Variants in ATP10A observed in about 807,000 individuals in gnomAD.
ATP10A encodes phospholipid-transporting ATPase VA.
In ATP10A, 111 loss-of-function variants were observed where a neutral mutation model predicts 147.8. That is an observed-to-expected ratio of 0.75 (90% confidence interval 0.64 to 0.88). The LOEUF (loss-of-function observed/expected upper bound fraction) is 0.88, where lower values mean the gene tolerates loss of function less well. Among genes scored for constraint, ATP10A ranks in the 40% least tolerant of loss-of-function variants. The probability of loss-of-function intolerance (pLI) is 0.00; values close to 1 mark genes in which losing one functional copy is unlikely to be tolerated. For synonymous variants in ATP10A, 875 were observed against 841.6 expected, an observed-to-expected ratio of 1.04 and a Z score of -0.69; for missense variants, 1,927 against 1,959.0, an observed-to-expected ratio of 0.98 and a Z score of 0.31.
intron 9 of ATP10A, among the ~76,000 whole-genome samples, chr15:25,715,903 G>C (rs1198333354): frequency 6.6e-6 from 1 of 152,144 alleles, no homozygotes; most frequent in African/African-American, 2.4e-5. Context: ...AAAACTGCCT[G>C]GTTCCATATG....
chr15:25,860,063 GCA>G (rs1597012299), intron 1 of ATP10A, among the ~76,000 whole-genome samples: 2 of 152,276 alleles, frequency 1.3e-5, no homozygotes, highest in East Asian at 3.9e-4. Flanking sequence ...CAAACGCACT[GCA>G]CAGACCTTGG....
At chr15:25,760,029 C>T (rs1236649443) in intron 2 of ATP10A, among the ~76,000 whole-genome samples, 5 of 151,506 alleles carry the variant, frequency 3.3e-5, no homozygotes, top group African/African-American at 7.3e-5. Flanking sequence ...TGCAGTGGCG[C>T]GATCTCGGCT....
chr15:25,772,415 T>C (rs376748422), intron 2 of ATP10A, among the ~76,000 whole-genome samples: 92 of 151,948 alleles, frequency 6.1e-4, no homozygotes, highest in African/African-American at 2.0e-3. Flanking sequence ...ACACTCAAAA[T>C]CCCCGAGAGG....
At chr15:25,812,602 A>G (rs1321794025) in intron 1 of ATP10A, among the ~76,000 whole-genome samples, 1 of 152,192 alleles carries the variant, frequency 6.6e-6, no homozygotes, top group Non-Finnish European at 1.5e-5. Context: ...AACACAAAGG[A>G]AAAAATACTC....
At chr15:25,741,241 G>A (rs1596797287) in intron 2 of ATP10A, among the ~76,000 whole-genome samples, 1 of 152,198 alleles carries the variant, frequency 6.6e-6, no homozygotes, top group Admixed American at 6.5e-5. Flanking sequence ...CACATGGTCA[G>A]AGGGTGACGA....
At chr15:25,702,224 G>A (rs1033998173) in intron 12 of ATP10A, 124 bp from the exon 13 acceptor site, 14 of 995,470 alleles carry the variant, frequency 1.4e-5, no homozygotes, top group Non-Finnish European at 1.7e-5. Flanking sequence ...TGTTGCCTGG[G>A]CCTTGCCAGG....
chr15:25,681,744 TC>T (rs1467086039), intron 17 of ATP10A, among the ~76,000 whole-genome samples: 6 of 152,198 alleles, frequency 3.9e-5, no homozygotes, highest in African/African-American at 1.4e-4. Context: ...CTTCAGTAGC[TC>T]CAGGTTCACA....
intron 2 of ATP10A, among the ~76,000 whole-genome samples, chr15:25,754,484 C>G (rs896779990): frequency 3.3e-5 from 5 of 152,056 alleles, no homozygotes; most frequent in Non-Finnish European, 5.9e-5. Flanking sequence ...TGCAGGAGGG[C>G]GTGAACTCCA....
Position 25,780,557 on chromosome 15 carries a change from G to A in ATP10A, c.654+462C>T, listed in dbSNP as rs112383567. Among the ~76,000 whole-genome samples the A allele has an allele frequency of 4.2e-3, 646 of 152,238 alleles. 6 individuals are homozygous for A. Among genetic ancestry groups the A allele is most frequent in the African/African-American group, 0.015 (609 of 41,540 alleles). ...CCTCTCACCCCTCACCCTGCTGCACGGTGGCCAGGGCACACCAGAGGCAGG... is the reference window on the plus strand; with the variant it reads ...CCTCTCACCCCTCACCCTGCTGCACAGTGGCCAGGGCACACCAGAGGCAGG... On this transcript the variant is annotated intron_variant, in intron 2 of 20. Transcript: ENST00000555815.
intron 2 of ATP10A, among the ~76,000 whole-genome samples, chr15:25,776,779 G>A (rs76639390): frequency 6.6e-5 from 10 of 152,276 alleles, no homozygotes; most frequent in East Asian, 1.9e-4. Context: ...TCAACACTGC[G>A]CACTTTTTCA....
intron 2 of ATP10A, among the ~76,000 whole-genome samples, chr15:25,762,408 G>T (rs1213927612): frequency 6.6e-6 from 1 of 151,854 alleles, no homozygotes; most frequent in Non-Finnish European, 1.5e-5. Flanking sequence ...TCCCGAGTAG[G>T]TGGGACTACA....
intron 2 of ATP10A, among the ~76,000 whole-genome samples, chr15:25,762,858 G>C (rs1888829769): frequency 6.6e-6 from 1 of 152,188 alleles, no homozygotes; most frequent in Non-Finnish European, 1.5e-5. Context: ...GGGATTACAG[G>C]CATGAGCCTG....
rs1181661199 is a variant in ATP10A, at chr15:25,683,307, G to C, written c.3471C>G (p.Tyr1157Ter). 26 of 1,614,052 alleles carry C rather than the reference G, an allele frequency of 1.6e-5. No homozygotes were observed. Among genetic ancestry groups the C allele is most frequent in the Non-Finnish European group, 2.0e-5 (24 of 1,180,016 alleles). ...TTACCTCCATGTTCTGGCCACTCTTGTAGAGCTGCGGGTTGGTCAGCAGCA... is the reference window on the plus strand; with the variant it reads ...TTACCTCCATGTTCTGGCCACTCTTCTAGAGCTGCGGGTTGGTCAGCAGCA... ...ANVLLTNPQL[Y>*]KSGQNMEEYR... The change falls in exon 17 of 21, where the codon TAC becomes TAG. Residue 1157 changes from tyrosine (Y) to a stop codon, truncating the protein, a stop_gained. Coordinates refer to ENST00000555815, the MANE Select transcript of ATP10A (RefSeq NM_024490.4). LOFTEE classifies it high-confidence loss of function.
At chr15:25,787,103 G>A (rs776923824) in intron 1 of ATP10A, among the ~76,000 whole-genome samples, 2 of 152,038 alleles carry the variant, frequency 1.3e-5, no homozygotes, top group Non-Finnish European at 2.9e-5. Context: ...AACGCGCAGA[G>A]ACTGACCTCC....
At chr15:25,782,162 A>G (rs1162336646) in intron 1 of ATP10A, among the ~76,000 whole-genome samples, 1 of 152,216 alleles carries the variant, frequency 6.6e-6, no homozygotes, top group Non-Finnish European at 1.5e-5. Context: ...AGCCATTCAC[A>G]AAAGGACAAC....
At chr15:25,691,616 C>T in intron 15 of ATP10A, 99 bp downstream of exon 15, 1 of 1,221,528 alleles carries the variant, frequency 8.2e-7, no homozygotes, top group Non-Finnish European at 1.2e-6. Flanking sequence ...TAGCCTCGTT[C>T]AGTAGAGCCC....
downstream of ATP10A, chr15:25,678,405 A>T (rs1052258263): frequency 3.9e-5 from 6 of 152,086 alleles, no homozygotes; most frequent in Non-Finnish European, 8.8e-5. Flanking sequence ...GGCTCGGAAG[A>T]TGACATGCCA....
intron 1 of ATP10A, among the ~76,000 whole-genome samples, chr15:25,804,960 CTCT>C (rs1891116077): frequency 6.6e-6 from 1 of 152,180 alleles, no homozygotes; most frequent in Non-Finnish European, 1.5e-5. Context: ...TAGGTGGAGG[CTCT>C]TCGTTTGGAA....
intron 2 of ATP10A, among the ~76,000 whole-genome samples, chr15:25,756,153 C>T (rs1888396421): frequency 1.3e-5 from 2 of 152,140 alleles, no homozygotes; most frequent in Non-Finnish European, 2.9e-5. Flanking sequence ...TTTAGGGTTC[C>T]TAGCTAGCAA....
Sources: allele counts gnomAD v4.1 joint callset (sites outside exome capture counted in the v4.1 genomes callset), GRCh38; gene constraint gnomAD v4.1.1; transcripts MANE v1.5; gene names NCBI Gene and HGNC (gene_info 2026-07-23, HGNC 2026-07-21).